DCHS2: variants seen among roughly 807,000 people sequenced by gnomAD.
DCHS2 encodes the protein protocadherin-23.
Under a neutral mutation model 182.4 loss-of-function variants are expected in DCHS2, and 142 were observed. That is an observed-to-expected ratio of 0.78 (90% CI 0.68 to 0.89). The LOEUF (loss-of-function observed/expected upper bound fraction) is 0.89, where lower values mean the gene tolerates loss of function less well. Ranked by LOEUF, DCHS2 falls within the 40% of genes least tolerant of loss-of-function variation. The probability of loss-of-function intolerance (pLI) is 0.00; values close to 1 mark genes in which losing one functional copy is unlikely to be tolerated. For missense variants in DCHS2, 4,319 were observed against 4,198.6 expected, an observed-to-expected ratio of 1.03 and a Z score of -0.79; for synonymous variants, 1,740 against 1,663.3, an observed-to-expected ratio of 1.05 and a Z score of -1.12.
intron 1 of DCHS2, among the ~76,000 whole-genome samples, chr4:154,396,563 C>G (rs1731936920): frequency 6.6e-6 from 1 of 152,006 alleles, no homozygotes; most frequent in African/African-American, 2.4e-5. Context: ...TTATTGAGCT[C>G]CCAATGCCAA....
chr4:154,250,392 C>G (rs943201743), intron 16 of DCHS2, among the ~76,000 whole-genome samples: 4 of 152,132 alleles, frequency 2.6e-5, no homozygotes, highest in African/African-American at 9.7e-5. Context: ...CTAGGTAATT[C>G]ATTTTACACA....
At chr4:154,439,221 T>C (rs1733899198) in intron 1 of DCHS2, among the ~76,000 whole-genome samples, 1 of 152,220 alleles carries the variant, frequency 6.6e-6, no homozygotes, top group Non-Finnish European at 1.5e-5. Context: ...TAGATTTATA[T>C]ACATATTTAT....
intron 1 of DCHS2, among the ~76,000 whole-genome samples, chr4:154,452,890 T>A (rs1231923027): frequency 6.6e-6 from 1 of 152,170 alleles, no homozygotes; most frequent in African/African-American, 2.4e-5. Flanking sequence ...ATCTTCAGGA[T>A]AAAGGCTTTG....
intron 3 of DCHS2, among the ~76,000 whole-genome samples, chr4:154,339,260 GTTC>G (rs372849354): frequency 5.9e-5 from 9 of 152,028 alleles, no homozygotes; most frequent in African/African-American, 2.2e-4. Flanking sequence ...CCACCTTTTT[GTTC>G]TTTTTCAGGC....
intron 13 of DCHS2, among the ~76,000 whole-genome samples, chr4:154,285,559 C>T (rs1578912367): frequency 6.6e-6 from 1 of 152,158 alleles, no homozygotes. Context: ...AGTAAAGATT[C>T]CTTTGGCCTT....
At chr4:154,409,426 C>G (rs1732532473) in intron 1 of DCHS2, among the ~76,000 whole-genome samples, 1 of 152,152 alleles carries the variant, frequency 6.6e-6, no homozygotes, top group African/African-American at 2.4e-5. Context: ...TGATTGTACC[C>G]TGTTCACCGA....
intron 1 of DCHS2, among the ~76,000 whole-genome samples, chr4:154,484,919 A>G (rs1320698052): frequency 1.3e-5 from 2 of 152,248 alleles, no homozygotes; most frequent in Non-Finnish European, 2.9e-5. Flanking sequence ...ACATTCCTAC[A>G]TACACACAAA....
Position 154,489,501 on chromosome 4 carries a change from G to T in DCHS2, c.1855C>A (p.Arg619=), listed in dbSNP as rs763954452. Residue 619 remains arginine (R), a synonymous_variant, in exon 1 of 20, where the codon CGG becomes AGG. Coordinates refer to ENST00000357232, the MANE Select transcript of DCHS2 (RefSeq NM_001358235.2). ...TCCTGGACCTCTCGGTCTAGAGTCC[G>T]GATAGTGCTGATCGCACCGCTTTCG... is the stretch of plus-strand genomic sequence containing the variant. The part of the protein sequence containing the change: ...DSESGAISTI[R]TLDREVQEAV... 3.2e-6 allele frequency: 5 copies of T among 1,551,692 alleles called. No individual in the cohort carries two copies. The African/African-American group carries it at 6.8e-5, about 21-fold the overall frequency.
intron 1 of DCHS2, among the ~76,000 whole-genome samples, chr4:154,471,888 AGTTAGGTCGGT>A (rs1735484442): frequency 6.6e-6 from 1 of 152,142 alleles, no homozygotes; most frequent in Non-Finnish European, 1.5e-5. Flanking sequence ...GGTGATGCAT[AGTTAGGTCGGT>A]GATTTGAACA....
intron 13 of DCHS2, among the ~76,000 whole-genome samples, chr4:154,270,598 G>C (rs1733543076): frequency 6.6e-6 from 1 of 151,856 alleles, no homozygotes. Flanking sequence ...TTAAGGAGTA[G>C]AGTAAAATAT....
Position 154,488,948 on chromosome 4 carries a change from A to G in DCHS2, c.2052+356T>C, listed in dbSNP as rs534124882. The stretch of plus-strand genomic sequence containing the variant: ...TGTGTGTGTGTATACATGTATTTAT[A>G]TGATATGATGTGAGACATTGTCAGT... On this transcript the variant is annotated intron_variant, in intron 1 of 19. Coordinates refer to ENST00000357232, the MANE Select transcript of DCHS2 (RefSeq NM_001358235.2). Among the ~76,000 whole-genome samples, 176 of 151,270 alleles carry G rather than the reference A, an allele frequency of 1.2e-3. 2 individuals are homozygous for G. Among genetic ancestry groups the G allele is most frequent in the Admixed American group, 4.1e-3 (62 of 15,194 alleles).
chr4:154,287,895 C>T (rs1319156901), intron 13 of DCHS2, among the ~76,000 whole-genome samples: 15 of 152,038 alleles, frequency 9.9e-5, no homozygotes, highest in African/African-American at 2.2e-4. Context: ...ATTTGCAAGC[C>T]GCATGGTAAC....
At chr4:154,360,258 A>G (rs1730056053) in intron 3 of DCHS2, among the ~76,000 whole-genome samples, 1 of 152,070 alleles carries the variant, frequency 6.6e-6, no homozygotes, top group African/African-American at 2.4e-5. Flanking sequence ...TTAGAATGGG[A>G]TTCAAGTCCA....
At chr4:154,462,355 T>C (rs1370652063) in intron 1 of DCHS2, among the ~76,000 whole-genome samples, 2 of 152,184 alleles carry the variant, frequency 1.3e-5, no homozygotes, top group Non-Finnish European at 2.9e-5. Context: ...CAATCACACT[T>C]TATGTTTGCA....
At chr4:154,442,776 G>A (rs114445245) in intron 1 of DCHS2, among the ~76,000 whole-genome samples, 2,858 of 152,006 alleles carry the variant, frequency 0.019, 56 homozygotes, top group South Asian at 0.046. Context: ...GTATTCCTGA[G>A]GATTCCCCAC....
chr4:154,428,268 G>C (rs57866349), intron 1 of DCHS2, among the ~76,000 whole-genome samples: 43,932 of 152,090 alleles, frequency 0.29, 7,895 homozygotes, highest in East Asian at 0.67. Context: ...TGGCCAGGCA[G>C]AATGGCTCAT....
chr4:154,469,161 G>C (rs745822507), intron 1 of DCHS2, among the ~76,000 whole-genome samples: 3 of 152,014 alleles, frequency 2.0e-5, no homozygotes, highest in Non-Finnish European at 2.9e-5. Flanking sequence ...TAAGAGAAAA[G>C]GTTGTTTATT....
At chr4:154,307,368 C>T (rs928146883) in intron 10 of DCHS2, among the ~76,000 whole-genome samples, 2 of 151,820 alleles carry the variant, frequency 1.3e-5, no homozygotes, top group East Asian at 1.9e-4. Flanking sequence ...TGTGTGTGTG[C>T]CTGTGTATAT....
At chr4:154,373,276 C>T (rs1730727159) in intron 2 of DCHS2, among the ~76,000 whole-genome samples, 1 of 152,146 alleles carries the variant, frequency 6.6e-6, no homozygotes. Flanking sequence ...TTCTGAGGGA[C>T]ATGTACTGCT....
Sources: gnomAD v4.1 joint callset for allele counts (sites outside exome capture counted in the v4.1 genomes callset) on GRCh38, gnomAD v4.1.1 for gene constraint, MANE v1.5 for transcripts, NCBI Gene and HGNC (gene_info 2026-07-23, HGNC 2026-07-21) for gene names.